PDE9A: variants seen among roughly 807,000 people sequenced by gnomAD.
PDE9A encodes the protein high affinity cGMP-specific 3',5'-cyclic phosphodiesterase 9A.
In PDE9A, 60 loss-of-function variants were observed where a neutral mutation model predicts 87.4. The observed-to-expected ratio is 0.69, with a 90% CI of 0.56 to 0.85. PDE9A has a LOEUF of 0.85. PDE9A is among the 40% of genes least tolerant of loss of function. PDE9A has a pLI of 0.00. For missense variants in PDE9A, 665 were observed against 779.0 expected (o/e 0.85, Z 1.74); for synonymous variants, 272 against 279.4 (o/e 0.97, Z 0.27).
At chr21:42,678,042 A>T (rs1374144084) in intron 1 of PDE9A, among the ~76,000 whole-genome samples, 1 of 152,258 alleles carries the variant, frequency 6.6e-6, no homozygotes, top group Non-Finnish European at 1.5e-5. Context: ...GCTTTGTGCC[A>T]ATCCAAACTA....
At chr21:42,666,322 T>G (rs1302360042) in intron 1 of PDE9A, among the ~76,000 whole-genome samples, 3 of 151,908 alleles carry the variant, frequency 2.0e-5, no homozygotes. Context: ...CCAAAGCACT[T>G]CTGAAGTCTC....
chr21:42,682,809 C>T (rs911510346), intron 1 of PDE9A, among the ~76,000 whole-genome samples: 1 of 152,340 alleles, frequency 6.6e-6, no homozygotes, highest in African/African-American at 2.4e-5. Flanking sequence ...AAATGAGCGT[C>T]GTTCTCACGC....
At chr21:42,698,520 A>G (rs2060265908) in intron 3 of PDE9A, among the ~76,000 whole-genome samples, 1 of 152,130 alleles carries the variant, frequency 6.6e-6, no homozygotes, top group Admixed American at 6.5e-5. Flanking sequence ...TTGACATCAC[A>G]GAGATCCCAG....
intron 1 of PDE9A, among the ~76,000 whole-genome samples, chr21:42,685,593 A>G (rs545637147): frequency 6.7e-6 from 1 of 150,072 alleles, no homozygotes; most frequent in East Asian, 2.0e-4. Flanking sequence ...CAGCCTCCCG[A>G]GTAGCTGGGA....
chr21:42,697,934 A>G (rs1485393211), intron 3 of PDE9A, among the ~76,000 whole-genome samples: 1 of 152,216 alleles, frequency 6.6e-6, no homozygotes, highest in Non-Finnish European at 1.5e-5. Flanking sequence ...AGATGCACAG[A>G]CTGACCCATC....
chr21:42,667,688 C>G lies in PDE9A; in HGVS notation c.69+13805C>G, dbSNP rs537722934. Among the ~76,000 whole-genome samples, 4 of 152,248 alleles carry G rather than the reference C, an allele frequency of 2.6e-5. No individual in the cohort carries two copies. The South Asian group carries it at 8.3e-4, about 32-fold the overall frequency. ...GCCTCTTGCAAGAACCAGGCATTAC[C>G]TTTATTCCAAAAGCCTTGCTGGGCC... is the stretch of plus-strand genomic sequence containing the variant. On this transcript the variant is annotated intron_variant, in intron 1 of 19. Coordinates refer to ENST00000291539, the MANE Select transcript of PDE9A (RefSeq NM_002606.3).
chr21:42,728,874 A>G (rs4449235), intron 4 of PDE9A, among the ~76,000 whole-genome samples: 54,238 of 151,456 alleles, frequency 0.36, 11,399 homozygotes, highest in African/African-American at 0.59. Flanking sequence ...AGTGGCGGGC[A>G]CCTATAATCC....
intron 19 of PDE9A, 119 bp from the exon 20 acceptor site, chr21:42,775,161 C>G (rs1427227857): frequency 1.6e-5 from 14 of 885,660 alleles, no homozygotes; most frequent in Non-Finnish European, 2.3e-5. Context: ...AGCCTGGTCT[C>G]GAACTCCTGA....
chr21:42,683,592 C>G (rs2059287840), intron 1 of PDE9A, among the ~76,000 whole-genome samples: 1 of 152,210 alleles, frequency 6.6e-6, no homozygotes, highest in African/African-American at 2.4e-5. Context: ...ACGACCTGGC[C>G]CCATGCTCCT....
intron 14 of PDE9A, among the ~76,000 whole-genome samples, chr21:42,763,314 T>G (rs1172534978): frequency 6.6e-6 from 1 of 152,200 alleles, no homozygotes; most frequent in African/African-American, 2.4e-5. Context: ...CTTGTTAAGA[T>G]TTCCAGATAA....
chr21:42,730,510 G>A (rs2156313), intron 4 of PDE9A, among the ~76,000 whole-genome samples: 1 of 152,082 alleles, frequency 6.6e-6, no homozygotes, highest in South Asian at 2.1e-4. Context: ...ATAAGATAGA[G>A]GGAAGCAAAC....
intron 8 of PDE9A, 47 bp downstream of exon 8, chr21:42,743,907 C>A: frequency 9.0e-7 from 1 of 1,107,590 alleles, no homozygotes. Context: ...GGGGAGGGCT[C>A]CCCGTACCAG....
At chr21:42,663,413 G>A (rs970512367) in intron 1 of PDE9A, among the ~76,000 whole-genome samples, 3 of 152,208 alleles carry the variant, frequency 2.0e-5, no homozygotes, top group East Asian at 1.9e-4. Context: ...GAGTGGGGAC[G>A]AGGCAGGTGG....
rs369099996 is a variant in PDE9A at position 42,732,105 on chromosome 21, G to A, written c.478G>A (p.Val160Ile). The stretch of plus-strand genomic sequence containing the variant: ...ATTAATCCAGAGCGTGCTGGCGCAG[G>A]TTGCAGAGCAGTTCTCAAGGTACAG... ...EELIQSVLAQVAEQFSRAFKI... is the reference protein window; with the variant it reads ...EELIQSVLAQIAEQFSRAFKI... Residue 160 changes from valine (V) to isoleucine (I), a missense_variant, in exon 6 of 20, where the codon GTT becomes ATT. Coordinates refer to ENST00000291539, the MANE Select transcript of PDE9A (RefSeq NM_002606.3). The A allele has an allele frequency of 2.5e-4, 399 of 1,614,040 alleles. No homozygotes were observed. The highest frequency in any genetic ancestry group is 3.3e-4 in the Non-Finnish European group (387 of 1,179,986).
At chr21:42,771,464 G>A (rs1284859489) in intron 18 of PDE9A, among the ~76,000 whole-genome samples, 1 of 152,192 alleles carries the variant, frequency 6.6e-6, no homozygotes, top group African/African-American at 2.4e-5. Flanking sequence ...TCCCTCCAGC[G>A]CCCCCAGGCA....
At position 42,694,695 on chromosome 21, in the gene PDE9A, T is replaced by C. The variant is rs2060048860; in HGVS notation, c.219-4273T>C. Among the ~76,000 whole-genome samples the C allele has an allele frequency of 6.6e-6, 1 of 152,232 alleles. No homozygotes were observed. The highest frequency in any genetic ancestry group is 2.4e-5 in the African/African-American group (1 of 41,466). On this transcript the variant is annotated intron_variant, in intron 3 of 19. Transcript: ENST00000291539. This position sits in a 1 kb window ranked among gnomAD's most constrained non-coding sequence, Gnocchi z 5.3. Reference sequence around the variant, plus strand: ...CATCTCACAGGTGGACTTCCTGGTTTCTGCCTCCTGTTACCCCTCACAGTT... The same window carrying C: ...CATCTCACAGGTGGACTTCCTGGTTCCTGCCTCCTGTTACCCCTCACAGTT...
intron 15 of PDE9A, among the ~76,000 whole-genome samples, chr21:42,767,807 TCTC>T (rs1183992921): frequency 1.3e-5 from 2 of 152,178 alleles, no homozygotes; most frequent in Non-Finnish European, 2.9e-5. Context: ...GCCTGCCCTA[TCTC>T]CTCCTGAAGC....
intron 19 of PDE9A, among the ~76,000 whole-genome samples, chr21:42,774,674 G>A (rs1435412858): frequency 2.0e-5 from 3 of 151,998 alleles, no homozygotes; most frequent in Non-Finnish European, 4.4e-5. Context: ...TTGAGGTCAG[G>A]AGTTCTAAAC....
At chr21:42,763,705 G>A (rs965312534) in intron 14 of PDE9A, among the ~76,000 whole-genome samples, 8 of 152,218 alleles carry the variant, frequency 5.3e-5, no homozygotes, top group Admixed American at 1.3e-4. Flanking sequence ...TCAGCCATTC[G>A]AAGTCTAAGT....
Sources: gnomAD v4.1 joint callset for allele counts (sites outside exome capture counted in the v4.1 genomes callset) on GRCh38, gnomAD v4.1.1 for gene constraint, Gnocchi (gnomAD v3.1) non-coding constraint, MANE v1.5 for transcripts, NCBI Gene and HGNC (gene_info 2026-07-23, HGNC 2026-07-21) for gene names.